Variants in TBPL1 observed in about 807,000 individuals in gnomAD.
TBPL1 encodes TATA box-binding protein-like 1.
In TBPL1, 4 loss-of-function variants were observed where a neutral mutation model predicts 22.1. The observed-to-expected ratio is 0.18, with a 90% CI of 0.09 to 0.41. The LOEUF is 0.41. Ranked by LOEUF, TBPL1 falls within the 10% of genes least tolerant of loss-of-function variation. The pLI, the probability that TBPL1 is intolerant of heterozygous loss-of-function variation, is 1.00. For missense variants in TBPL1, 115 were observed against 222.3 expected, an observed-to-expected ratio of 0.52 and a Z score of 3.07; for synonymous variants, 64 against 71.0, an observed-to-expected ratio of 0.90 and a Z score of 0.50.
At chr6:133,976,788 A>G (rs1022224889) in intron 1 of TBPL1, among the ~76,000 whole-genome samples, 1 of 152,086 alleles carries the variant, frequency 6.6e-6, no homozygotes, top group African/African-American at 2.4e-5. Context: ...AGAGTTCAAG[A>G]GCAACCTGGC....
chr6:133,956,427 G>A lies in TBPL1; in HGVS notation c.-45+3002G>A, dbSNP rs1775928204. On this transcript the variant is annotated intron_variant, in intron 1 of 6. Transcript: ENST00000237264. ...TAGGTAGCAGAGAAATGACATGTGT[G>A]TAATAAAACATGACAGACACAAATA... Among the ~76,000 whole-genome samples the A allele has an allele frequency of 2.6e-5, 4 of 152,150 alleles. No homozygotes were observed. The South Asian group carries it at 8.3e-4, about 32-fold the overall frequency.
At chr6:133,971,075 A>C (rs1420082937) in intron 1 of TBPL1, among the ~76,000 whole-genome samples, 1 of 151,662 alleles carries the variant, frequency 6.6e-6, no homozygotes, top group Non-Finnish European at 1.5e-5. Flanking sequence ...CAATTGACCA[A>C]CCTCCGTTCA....
In TBPL1 at chr6:133,989,271, G is replaced by A. The variant is rs1271663791; in HGVS notation, c.*2231G>A. ...CCTTTTTATTTTTGAAAATCAAGAA[G>A]CTTGATTTGGTGTGGTGCAATGGAT... On this transcript the variant is annotated 3_prime_UTR_variant, in exon 7 of 7. Coordinates refer to ENST00000237264, the MANE Select transcript of TBPL1 (RefSeq NM_004865.4). 6.6e-6 allele frequency: 1 copy of A among 152,036 alleles called. No homozygotes were observed. Among genetic ancestry groups the A allele is most frequent in the African/African-American group, 2.4e-5 (1 of 41,374 alleles). The allele number at this position is 152,036 out of a possible 1,614,324, so 9.4% of individuals were successfully genotyped here. A position where few individuals can be genotyped will look rare whatever the true frequency, so the allele number is the denominator to read the frequency against.
At chr6:133,980,990 A>G (rs867867406) in intron 2 of TBPL1, among the ~76,000 whole-genome samples, 11 of 111,768 alleles carry the variant, frequency 9.8e-5, no homozygotes, top group African/African-American at 4.0e-4. Flanking sequence ...TTTTTTTGAG[A>G]CGGAGTCTCA....
intron 1 of TBPL1, among the ~76,000 whole-genome samples, chr6:133,956,643 ATTTCAC>A (rs1382563340): frequency 6.6e-6 from 1 of 152,130 alleles, no homozygotes; most frequent in African/African-American, 2.4e-5. Context: ...ATGTTTGTTT[ATTTCAC>A]TTCAAGAGCT....
At chr6:133,984,792 C>T in intron 6 of TBPL1, 121 bp downstream of exon 6, 4 of 798,176 alleles carry the variant, frequency 5.0e-6, no homozygotes, top group Non-Finnish European at 8.0e-6. Context: ...TTTAGAGGAA[C>T]CAGTCTCCTG....
chr6:133,953,024 G>T (rs1031811770), upstream of TBPL1, among the ~76,000 whole-genome samples: 5 of 152,098 alleles, frequency 3.3e-5, no homozygotes, highest in African/African-American at 1.2e-4. Flanking sequence ...GGGCAGGAGG[G>T]GCCTGATTTG....
intron 5 of TBPL1, 48 bp from the exon 6 acceptor site, chr6:133,984,529 C>G: frequency 6.2e-7 from 1 of 1,608,808 alleles, no homozygotes; most frequent in Non-Finnish European, 8.5e-7. Flanking sequence ...TTTGAAATTA[C>G]TAGTCAGGGT....
At chr6:133,968,528 G>A (rs964999468) in intron 1 of TBPL1, among the ~76,000 whole-genome samples, 6 of 152,232 alleles carry the variant, frequency 3.9e-5, no homozygotes, top group Admixed American at 6.5e-5. Context: ...ATCAAAATTT[G>A]TGAGTTTTTT....
At chr6:133,985,297 A>AC (rs1554304688) in intron 6 of TBPL1, among the ~76,000 whole-genome samples, 2 of 42,918 alleles carry the variant, frequency 4.7e-5, no homozygotes, top group Non-Finnish European at 7.8e-5. Context: ...AAAAAAAAAA[A>AC]ATATATATAT....
At chr6:133,985,296 AAATATATATATATATAT>A (rs1322411455) in intron 6 of TBPL1, among the ~76,000 whole-genome samples, 7 of 69,020 alleles carry the variant, frequency 1.0e-4, no homozygotes, top group African/African-American at 3.9e-4. Flanking sequence ...AAAAAAAAAA[AAATATATATATATATAT>A]ATATATATAT....
intron 5 of TBPL1, 35 bp downstream of exon 5, chr6:133,984,514 C>T (rs1234276521): frequency 1.9e-6 from 3 of 1,610,436 alleles, no homozygotes; most frequent in African/African-American, 2.7e-5. Flanking sequence ...TGAGAAATTA[C>T]CAAATTTGAA....
intron 1 of TBPL1, 66 bp downstream of exon 1, chr6:133,953,491 G>C (rs1320884328): frequency 1.3e-5 from 2 of 152,872 alleles, no homozygotes; most frequent in Non-Finnish European, 2.9e-5. Context: ...CACCGGGTGC[G>C]GGGCGTCTGG....
intron 1 of TBPL1, among the ~76,000 whole-genome samples, chr6:133,967,737 C>CA (rs754472707): frequency 7.2e-5 from 11 of 152,216 alleles, no homozygotes; most frequent in Admixed American, 1.3e-4. Context: ...ACCCCTGGAC[C>CA]AAAACATTGT....
rs560490548 is a variant in TBPL1 at position 133,968,165 on chromosome 6, T to G, written c.-44-11917T>G. ...CACCACGCCCAGCTAATTTTTGTAT[T>G]TTTAGTAGGGACGGGGTTTCACCAT... On this transcript the variant is annotated intron_variant, in intron 1 of 6. Transcript: ENST00000237264. Among the ~76,000 whole-genome samples the G allele has an allele frequency of 3.2e-4, 49 of 152,154 alleles. No homozygotes were observed. In the South Asian group the frequency reaches 9.6e-3, roughly 30 times the overall value.
At chr6:133,955,051 A>AG (rs1775903522) in intron 1 of TBPL1, among the ~76,000 whole-genome samples, 1 of 152,126 alleles carries the variant, frequency 6.6e-6, no homozygotes, top group African/African-American at 2.4e-5. Context: ...ATTAAGAAGA[A>AG]AAAGATAGAT....
chr6:133,983,851 A>C (rs901888200), intron 4 of TBPL1, among the ~76,000 whole-genome samples: 7 of 152,226 alleles, frequency 4.6e-5, no homozygotes, highest in Non-Finnish European at 8.8e-5. Context: ...GAGAAATCCC[A>C]ATTAGTTAGA....
At chr6:133,954,157 CT>C in intron 1 of TBPL1, among the ~76,000 whole-genome samples, 1 of 152,200 alleles carries the variant, frequency 6.6e-6, no homozygotes, top group Non-Finnish European at 1.5e-5. Flanking sequence ...TGTCAATGTG[CT>C]CATTGCAATA....
Position 133,987,107 on chromosome 6 carries a change from A to G in TBPL1, c.*67A>G. On this transcript the variant is annotated 3_prime_UTR_variant, in exon 7 of 7. Transcript: ENST00000237264. Reference sequence around the variant, plus strand: ...TAAACCTGCTGCACATTGGACTCAAAAGGAAAACTGGACCAACAATAATTG... The same window carrying G: ...TAAACCTGCTGCACATTGGACTCAAGAGGAAAACTGGACCAACAATAATTG... 1 of 1,094,390 alleles carries G rather than the reference A, an allele frequency of 9.1e-7. No homozygotes were observed. 67.8% of individuals were successfully genotyped at this position (1,094,390 alleles called of 1,614,324 possible).
Sources: gnomAD v4.1 joint callset for allele counts (sites outside exome capture counted in the v4.1 genomes callset) on GRCh38, gnomAD v4.1.1 for gene constraint, MANE v1.5 for transcripts, NCBI Gene and HGNC (gene_info 2026-07-23, HGNC 2026-07-21) for gene names.